Variants in ASB7 observed in about 807,000 individuals in gnomAD.
ASB7 encodes ankyrin repeat and SOCS box protein 7.
Under a neutral mutation model 32.5 loss-of-function variants are expected in ASB7, and 4 were observed. That is an observed-to-expected ratio of 0.12 (90% CI 0.06 to 0.28). The LOEUF is 0.28. ASB7 is among the 10% of genes least tolerant of loss of function. ASB7 has a pLI of 1.00. For synonymous variants in ASB7, 172 were observed against 155.6 expected, an observed-to-expected ratio of 1.11 and a Z score of -0.78; for missense variants, 181 against 407.1, an observed-to-expected ratio of 0.44 and a Z score of 4.78.
In ASB7 at chr15:100,630,052, A is replaced by T; in HGVS notation, c.817+10A>T. ...TTACAAGAAGTCACAAGTATGTAAT[A>T]TAATTATTACTTTATTGCATTTTTT... On this transcript the variant is annotated intron_variant, in intron 5 of 5. Coordinates refer to ENST00000332783, the MANE Select transcript of ASB7 (RefSeq NM_198243.3). 6.4e-7 allele frequency: 1 copy of T among 1,559,538 alleles called. No individual in the cohort carries two copies. The highest frequency in any genetic ancestry group is 8.7e-7 in the Non-Finnish European group (1 of 1,153,900).
At chr15:100,614,987 A>T (rs901904139) in intron 4 of ASB7, among the ~76,000 whole-genome samples, 6 of 152,186 alleles carry the variant, frequency 3.9e-5, no homozygotes, top group African/African-American at 1.2e-4. Flanking sequence ...ATAAAATTAT[A>T]ATACCATGTT....
intron 4 of ASB7, among the ~76,000 whole-genome samples, chr15:100,623,410 A>G (rs1318507698): frequency 1.3e-5 from 2 of 152,232 alleles, no homozygotes; most frequent in Non-Finnish European, 2.9e-5. Context: ...TCTCAAAAAA[A>G]CAAAAGTGAG....
rs115593678 is a variant in ASB7 at position 100,627,418 on chromosome 15, G to A, written c.212-2019G>A. ...TCTGTCTAGGCGTTTTGTAGTTTAT[G>A]TTGCTATTACAAATGAGATATTTTT... On this transcript the variant is annotated intron_variant, in intron 4 of 5. Coordinates refer to ENST00000332783, the MANE Select transcript of ASB7 (RefSeq NM_198243.3). 4.3e-3 allele frequency among the ~76,000 whole-genome samples: 662 copies of A among 152,308 alleles called. 2 individuals carry two copies. The highest frequency in any genetic ancestry group is 0.015 in the African/African-American group (627 of 41,552).
intron 5 of ASB7, chr15:100,646,456 AC>A: frequency 4.3e-6 from 2 of 468,488 alleles, no homozygotes; most frequent in South Asian, 1.6e-5. Context: ...CATGTGTTTG[AC>A]CAAGGGCATT....
At chr15:100,617,164 C>T (rs745979091) in intron 4 of ASB7, among the ~76,000 whole-genome samples, 12 of 152,190 alleles carry the variant, frequency 7.9e-5, no homozygotes, top group Non-Finnish European at 1.6e-4. Flanking sequence ...ACATTCCTCA[C>T]CAGGACTGCT....
At chr15:100,628,078 T>G (rs1459911088) in intron 4 of ASB7, among the ~76,000 whole-genome samples, 1 of 152,254 alleles carries the variant, frequency 6.6e-6, no homozygotes, top group Non-Finnish European at 1.5e-5. Flanking sequence ...TTCTTTCAGT[T>G]AAGACCAAGG....
chr15:100,633,175 A>G (rs1370809562), intron 5 of ASB7, among the ~76,000 whole-genome samples: 1 of 151,720 alleles, frequency 6.6e-6, no homozygotes, highest in Non-Finnish European at 1.5e-5. Context: ...GGCAGTGTTT[A>G]TAAGAAGCCA....
intron 2 of ASB7, among the ~76,000 whole-genome samples, chr15:100,607,305 A>G (rs1159449744): frequency 6.6e-6 from 1 of 152,054 alleles, no homozygotes; most frequent in African/African-American, 2.4e-5. Flanking sequence ...TTTTTAATAG[A>G]CATATTTACC....
chr15:100,621,278 A>G (rs2039789625), intron 4 of ASB7, among the ~76,000 whole-genome samples: 1 of 152,254 alleles, frequency 6.6e-6, no homozygotes, highest in South Asian at 2.1e-4. Context: ...TCTTAAAAGC[A>G]GGAAATACTT....
rs189523234 is a variant in ASB7 at position 100,619,865 on chromosome 15, G to A, written c.211+7438G>A. On this transcript the variant is annotated intron_variant, in intron 4 of 5. Transcript: ENST00000332783. ...GGAGAAATCCGTTGAGAAAATGAGC[G>A]AGTCTGAGTCGAGTAAATGATACTA... 3.3e-3 allele frequency among the ~76,000 whole-genome samples: 496 copies of A among 152,308 alleles called. 2 individuals carry two copies. The highest frequency in any genetic ancestry group is 0.011 in the African/African-American group (450 of 41,570).
chr15:100,613,140 T>A (rs1206758487), intron 4 of ASB7, among the ~76,000 whole-genome samples: 1 of 152,230 alleles, frequency 6.6e-6, no homozygotes, highest in East Asian at 1.9e-4. Flanking sequence ...TGATCATGTA[T>A]ACCCACATTA....
In ASB7 at chr15:100,631,353, G is replaced by C. The variant is rs142461314; in HGVS notation, c.817+1311G>C. Among the ~76,000 whole-genome samples, 450 of 152,304 alleles carry C rather than the reference G, an allele frequency of 3.0e-3. 1 individual carries two copies. The highest frequency in any genetic ancestry group is 0.01 in the African/African-American group (425 of 41,552). ...AAGTTTAAATGGCCACAAGTGCCTGGTGGTTCCTTTGTTGGTCCACACAGA... is the reference window on the plus strand; with the variant it reads ...AAGTTTAAATGGCCACAAGTGCCTGCTGGTTCCTTTGTTGGTCCACACAGA... On this transcript the variant is annotated intron_variant, in intron 5 of 5. Coordinates refer to ENST00000332783, the MANE Select transcript of ASB7 (RefSeq NM_198243.3).
chr15:100,624,274 T>C (rs1330494156), intron 4 of ASB7, among the ~76,000 whole-genome samples: 3 of 152,212 alleles, frequency 2.0e-5, no homozygotes, highest in East Asian at 3.8e-4. Context: ...CAATGTATTA[T>C]GTATCTCAGA....
At chr15:100,641,244 A>G (rs1487828241) in intron 5 of ASB7, among the ~76,000 whole-genome samples, 1 of 152,096 alleles carries the variant, frequency 6.6e-6, no homozygotes, top group African/African-American at 2.4e-5. Context: ...GGGATAGTGT[A>G]TTGTTGAATA....
rs892102921 is a variant in ASB7 at position 100,645,141 on chromosome 15, C to G, written c.818-3182C>G. ...TATGGTCTAGTGGGCCCTGGAGTCC[C>G]CAAGACCCTTTTAGGGTAACTGTGA... On this transcript the variant is annotated intron_variant, in intron 5 of 5. Coordinates refer to ENST00000332783, the MANE Select transcript of ASB7 (RefSeq NM_198243.3). Among the ~76,000 whole-genome samples, 4 of 152,124 alleles carry G rather than the reference C, an allele frequency of 2.6e-5. No homozygotes were observed. In the East Asian group the frequency reaches 7.7e-4, roughly 29 times the overall value.
intron 4 of ASB7, among the ~76,000 whole-genome samples, chr15:100,613,474 T>C (rs2039714079): frequency 6.6e-6 from 1 of 152,276 alleles, no homozygotes; most frequent in African/African-American, 2.4e-5. Context: ...CCTGAAATAG[T>C]TGACCATTGT....
At chr15:100,610,996 C>T (rs1401766018) in intron 3 of ASB7, among the ~76,000 whole-genome samples, 2 of 152,128 alleles carry the variant, frequency 1.3e-5, no homozygotes, top group African/African-American at 4.8e-5. Flanking sequence ...AACTTTTTAC[C>T]ATTTCACTTT....
At chr15:100,641,934 C>CA (rs1194946152) in intron 5 of ASB7, among the ~76,000 whole-genome samples, 2 of 152,200 alleles carry the variant, frequency 1.3e-5, no homozygotes, top group Non-Finnish European at 2.9e-5. Context: ...CCCAAGATCA[C>CA]AGAGACTGCA....
Position 100,607,024 on chromosome 15 carries a change from G to A in ASB7, c.-173-2683G>A, listed in dbSNP as rs560010046. On this transcript the variant is annotated intron_variant, in intron 2 of 5. Coordinates refer to ENST00000332783, the MANE Select transcript of ASB7 (RefSeq NM_198243.3). Reference sequence around the variant, plus strand: ...ATGAATTAGCCGGGTGTGGTGGCACGCTCCTGTAGTCCCAGCTACTTAGGA... The same window carrying A: ...ATGAATTAGCCGGGTGTGGTGGCACACTCCTGTAGTCCCAGCTACTTAGGA... 2.9e-3 allele frequency among the ~76,000 whole-genome samples: 437 copies of A among 151,986 alleles called. 1 individual carries two copies. Among genetic ancestry groups the A allele is most frequent in the African/African-American group, 9.8e-3 (405 of 41,472 alleles).
Sources: gnomAD v4.1 joint callset for allele counts (sites outside exome capture counted in the v4.1 genomes callset) on GRCh38, gnomAD v4.1.1 for gene constraint, MANE v1.5 for transcripts, NCBI Gene and HGNC (gene_info 2026-07-23, HGNC 2026-07-21) for gene names.